The following SSH1 variants were observed in gnomAD, a reference collection of about 807,000 sequenced individuals.
The protein encoded by SSH1 is protein phosphatase Slingshot homolog 1.
Under a neutral mutation model 79.7 loss-of-function variants are expected in SSH1, and 43 were observed. The ratio of observed to expected loss-of-function variants is 0.54; its 90% CI spans 0.42 to 0.70. SSH1 has a LOEUF of 0.70. Among genes scored for constraint, SSH1 ranks in the 30% least tolerant of loss-of-function variants. The pLI is 0.00. For missense variants in SSH1, 1,206 were observed against 1,358.8 expected, an observed-to-expected ratio of 0.89 and a Z score of 1.77; for synonymous variants, 599 against 538.3, an observed-to-expected ratio of 1.11 and a Z score of -1.56.
At chr12:108,814,609 G>A (rs539559068) in intron 5 of SSH1, among the ~76,000 whole-genome samples, 3 of 152,222 alleles carry the variant, frequency 2.0e-5, no homozygotes, top group Non-Finnish European at 1.5e-5. Context: ...GCTTAGTTCC[G>A]GTTCCCATCA....
In SSH1 at chr12:108,855,371, G is replaced by A. The variant is rs999069583; in HGVS notation, c.69+2057C>T. Among the ~76,000 whole-genome samples the A allele has an allele frequency of 3.9e-5, 6 of 152,124 alleles. No homozygotes were observed. In the East Asian group the frequency reaches 9.6e-4, roughly 24 times the overall value. On this transcript the variant is annotated intron_variant, in intron 1 of 14. Coordinates refer to ENST00000326495, the MANE Select transcript of SSH1 (RefSeq NM_018984.4). Reference sequence around the variant, plus strand: ...GGGGAGGCTGCAGGTGAGGGCTAACGGGTACAGGGTTCCTATTTTGGGGAG... The same window carrying A: ...GGGGAGGCTGCAGGTGAGGGCTAACAGGTACAGGGTTCCTATTTTGGGGAG...
At chr12:108,852,385 C>T (rs753680044) in intron 2 of SSH1, among the ~76,000 whole-genome samples, 4 of 151,918 alleles carry the variant, frequency 2.6e-5, no homozygotes, top group African/African-American at 4.8e-5. Flanking sequence ...CACACTACCA[C>T]GCCCGGTTAA....
At position 108,799,150 on chromosome 12, in the gene SSH1, G is replaced by A. The variant is rs765955367; in HGVS notation, c.1199C>T (p.Ser400Leu). The A allele has an allele frequency of 3.7e-6, 6 of 1,614,006 alleles. No homozygotes were observed. The highest frequency in any genetic ancestry group is 1.1e-5 in the South Asian group (1 of 91,070). The change falls in exon 13 of 15, where the codon TCG becomes TTG. Residue 400 changes from serine to leucine, a missense_variant. Physicochemically the swap from Ser to Leu is moderately radical, Grantham distance 145. This residue lies in a region of SSH1 where 166 missense variants were observed against 262.9 expected (regional missense o/e 0.63). Coordinates refer to ENST00000326495, the MANE Select transcript of SSH1 (RefSeq NM_018984.4). ...TGCATAGGCTATGACTGTGGAGGCCGAGCGACTCACGCCCATTTTGCAATG... is the reference window on the plus strand; with the variant it reads ...TGCATAGGCTATGACTGTGGAGGCCAAGCGACTCACGCCCATTTTGCAATG... ...LVHCKMGVSR[S>L]ASTVIAYAMK...
intron 3 of SSH1, among the ~76,000 whole-genome samples, chr12:108,819,782 G>A (rs912892945): frequency 6.6e-6 from 1 of 152,104 alleles, no homozygotes; most frequent in Non-Finnish European, 1.5e-5. Context: ...TGGGCAACAC[G>A]ATAAGACCCT....
At chr12:108,802,755 A>G (rs2037077505) in intron 10 of SSH1, among the ~76,000 whole-genome samples, 1 of 152,224 alleles carries the variant, frequency 6.6e-6, no homozygotes. Context: ...CAAGCCACTA[A>G]TTAAAGCAGG....
intron 1 of SSH1, among the ~76,000 whole-genome samples, chr12:108,854,210 T>G (rs2039100454): frequency 6.6e-6 from 1 of 152,150 alleles, no homozygotes; most frequent in Non-Finnish European, 1.5e-5. Context: ...ACCTAGTGGG[T>G]AGAGGACAGG....
At chr12:108,846,005 A>C (rs556803777) in intron 2 of SSH1, among the ~76,000 whole-genome samples, 1 of 152,216 alleles carries the variant, frequency 6.6e-6, no homozygotes, top group South Asian at 2.1e-4. Context: ...ACCCCCATCC[A>C]CTCTGACACT....
Position 108,792,310 on chromosome 12 carries a change from C to T in SSH1, c.1869G>A (p.Lys623=). The change falls in exon 14 of 15, where the codon AAG becomes AAA. Residue 623 remains lysine (K), a synonymous_variant. Coordinates refer to ENST00000326495, the MANE Select transcript of SSH1 (RefSeq NM_018984.4). ...LNSENLNNNS[K]RSCPNGMEDD... The stretch of plus-strand genomic sequence containing the variant: ...CCTCCATGCCGTTGGGACAGCTCCT[C>T]TTGCTGTTGTTGTTTAGGTTCTCCG... 6.2e-7 allele frequency: 1 copy of T among 1,614,202 alleles called. No homozygotes were observed. Among genetic ancestry groups the T allele is most frequent in the Middle Eastern group, 1.6e-4 (1 of 6,062 alleles).
intron 7 of SSH1, among the ~76,000 whole-genome samples, chr12:108,808,626 A>AT (rs2037407836): frequency 6.6e-6 from 1 of 152,194 alleles, no homozygotes; most frequent in Non-Finnish European, 1.5e-5. Flanking sequence ...CAACAGAGAC[A>AT]TCTGCCTGCA....
At chr12:108,818,953 C>T (rs561232286) in intron 3 of SSH1, among the ~76,000 whole-genome samples, 139 of 152,240 alleles carry the variant, frequency 9.1e-4, no homozygotes, top group Non-Finnish European at 1.8e-3. Context: ...GGAGTTTCAC[C>T]ATGTTGGCCA....
rs773948912 is a variant in SSH1, at chr12:108,788,015, CTT to C, written c.3121_3122del (p.Lys1041GlufsTer40). The C allele has an allele frequency of 6.8e-6, 11 of 1,614,014 alleles. No individual in the cohort carries two copies. Among genetic ancestry groups the C allele is most frequent in the Non-Finnish European group, 9.3e-6 (11 of 1,180,042 alleles). ...PSGKPAPENL[K>X]SPSWMSKS ...AGCTTTTGCTCATCCACGAAGGGCT[CTT>C]TAAGTTTTCTGGGGCGGGTTTCCCT... On this transcript the variant is annotated frameshift_variant, in exon 15 of 15. Coordinates refer to ENST00000326495, the MANE Select transcript of SSH1 (RefSeq NM_018984.4). LOFTEE classifies it high-confidence loss of function.
In SSH1 at chr12:108,783,598, C is replaced by T. The variant is rs2036189936; in HGVS notation, c.*4390G>A. 1 of 152,204 alleles carries T rather than the reference C, an allele frequency of 6.6e-6. No homozygotes were observed. The highest frequency in any genetic ancestry group is 2.4e-5 in the African/African-American group (1 of 41,432). 9.4% of individuals were successfully genotyped at this position (152,204 alleles called of 1,614,324 possible). A position where few individuals can be genotyped will look rare whatever the true frequency, so the allele number is the denominator to read the frequency against. On this transcript the variant is annotated 3_prime_UTR_variant, in exon 15 of 15. Coordinates refer to ENST00000326495, the MANE Select transcript of SSH1 (RefSeq NM_018984.4). ...CGGGGCCCCAGCACCTATGGCCAAA[C>T]AAGAAGACGGCAGTCTCTCCAGAAC... is the stretch of plus-strand genomic sequence containing the variant.
At position 108,836,011 on chromosome 12, in the gene SSH1, A is replaced by ATTAT. The variant is rs1276521253; in HGVS notation, c.111-12651_111-12650insATAA. On this transcript the variant is annotated intron_variant, in intron 2 of 14. Transcript: ENST00000326495. ...TAACTATATTAATATAATCGATTATAACTATATTAATATAATCGATTATAT... is the reference window on the plus strand; with the variant it reads ...TAACTATATTAATATAATCGATTATATTATACTATATTAATATAATCGATTATAT... Among the ~76,000 whole-genome samples the ATTAT allele has an allele frequency of 2.3e-4, 34 of 145,382 alleles. No homozygotes were observed. In the South Asian group the frequency reaches 6.9e-3, roughly 30 times the overall value.
intron 10 of SSH1, among the ~76,000 whole-genome samples, chr12:108,802,918 AACCAGTGGAAACC>A (rs1180810549): frequency 2.6e-5 from 4 of 152,246 alleles, no homozygotes; most frequent in African/African-American, 4.8e-5. Context: ...ATTTGTAATA[AACCAGTGGAAACC>A]ACCCAAACGT....
intron 2 of SSH1, among the ~76,000 whole-genome samples, chr12:108,847,857 T>C (rs545250235): frequency 2.6e-5 from 4 of 152,242 alleles, no homozygotes; most frequent in South Asian, 2.1e-4. Context: ...CAGACCTGCA[T>C]TGTAAGGCGG....
Position 108,778,482 on chromosome 12 carries a change from CCTCT to C in SSH1, c.*9502_*9505del, listed in dbSNP as rs1377236514. 6.6e-6 allele frequency: 1 copy of C among 152,226 alleles called. No individual in the cohort carries two copies. Among genetic ancestry groups the C allele is most frequent in the Non-Finnish European group, 1.5e-5 (1 of 68,048 alleles). The allele number at this position is 152,226 out of a possible 1,614,324, so 9.4% of individuals were successfully genotyped here. ...TGTGTCCCTGACCCACGTTACCTAA[CCTCT>C]CTGAGCATCCACTGCTTCCTCTGTA... is the stretch of plus-strand genomic sequence containing the variant. On this transcript the variant is annotated 3_prime_UTR_variant, in exon 15 of 15. Coordinates refer to ENST00000326495, the MANE Select transcript of SSH1 (RefSeq NM_018984.4).
chr12:108,848,585 A>G (rs1181045615), intron 2 of SSH1, among the ~76,000 whole-genome samples: 1 of 152,202 alleles, frequency 6.6e-6, no homozygotes, highest in Non-Finnish European at 1.5e-5. Flanking sequence ...GAGGCCTGAA[A>G]ATGCAAATTA....
intron 2 of SSH1, among the ~76,000 whole-genome samples, chr12:108,832,954 G>C (rs2038509574): frequency 6.6e-6 from 1 of 152,280 alleles, no homozygotes; most frequent in African/African-American, 2.4e-5. Context: ...AAGGAATGCT[G>C]GCAGGGCTCA....
chr12:108,844,847 G>A (rs369702610), intron 2 of SSH1, among the ~76,000 whole-genome samples: 1 of 152,194 alleles, frequency 6.6e-6, no homozygotes. Flanking sequence ...GGTGGCTCAC[G>A]CCTGTAATCC....
Sources: allele counts gnomAD v4.1 joint callset (sites outside exome capture counted in the v4.1 genomes callset), GRCh38; gene constraint gnomAD v4.1.1; regional missense constraint gnomAD v4.1.1; transcripts MANE v1.5; gene names NCBI Gene and HGNC (gene_info 2026-07-23, HGNC 2026-07-21).